Variants in MMP16 observed in about 807,000 individuals in gnomAD.
The protein encoded by MMP16 is matrix metalloproteinase-16.
In MMP16, 12 loss-of-function variants were observed where a neutral mutation model predicts 67.8. The observed-to-expected ratio is 0.18, with a 90% CI of 0.11 to 0.29. The LOEUF is 0.29. MMP16 is among the 10% of genes least tolerant of loss of function. The probability of loss-of-function intolerance (pLI) is 1.00; values close to 1 mark genes in which losing one functional copy is unlikely to be tolerated. For synonymous variants in MMP16, 249 were observed against 255.9 expected (o/e 0.97, Z 0.26); for missense variants, 475 against 765.7 (o/e 0.62, Z 4.48).
intron 1 of MMP16, among the ~76,000 whole-genome samples, chr8:88,211,228 G>A (rs1809507299): frequency 6.6e-6 from 1 of 152,032 alleles, no homozygotes; most frequent in Non-Finnish European, 1.5e-5. Context: ...GTGTACAGGT[G>A]GGCCATTTTG....
In MMP16 at chr8:88,043,635, T is replaced by C. The variant is rs183066937; in HGVS notation, c.1490-1840A>G. On this transcript the variant is annotated intron_variant, in intron 9 of 9. Transcript: ENST00000286614. ...CTCAAGAAATTTCAGATAGGGCAGATGATTACTTCAGGTCACTTCATTCTG... is the reference window on the plus strand; with the variant it reads ...CTCAAGAAATTTCAGATAGGGCAGACGATTACTTCAGGTCACTTCATTCTG... Among the ~76,000 whole-genome samples, 22 of 152,320 alleles carry C rather than the reference T, an allele frequency of 1.4e-4. 1 individual carries two copies. Among genetic ancestry groups the C allele is most frequent in the African/African-American group, 4.3e-4 (18 of 41,576 alleles).
intron 1 of MMP16, among the ~76,000 whole-genome samples, chr8:88,303,205 A>C (rs1811132412): frequency 6.6e-6 from 1 of 152,146 alleles, no homozygotes; most frequent in South Asian, 2.1e-4. Context: ...GAATCCAGGG[A>C]GCCAGGCAGC....
rs188050549 is a variant in MMP16, at chr8:88,039,130, C to T, written c.*2331G>A. The T allele has an allele frequency of 2.0e-5, 3 of 152,410 alleles. No individual in the cohort carries two copies. The highest frequency in any genetic ancestry group is 7.2e-5 in the African/African-American group (3 of 41,408). The allele number at this position is 152,410 out of a possible 1,614,324, so 9.4% of individuals were successfully genotyped here. ...ATCCATTTCCAAATAAGAATGTATA[C>T]CTACACTCATTAAAAATCATCTGGA... On this transcript the variant is annotated 3_prime_UTR_variant, in exon 10 of 10. Coordinates refer to ENST00000286614, the MANE Select transcript of MMP16 (RefSeq NM_005941.5). This position sits in a 1 kb window ranked among gnomAD's most constrained non-coding sequence, Gnocchi z 4.5.
At chr8:88,264,055 T>C (rs199606036) in intron 1 of MMP16, among the ~76,000 whole-genome samples, 1 of 89,526 alleles carries the variant, frequency 1.1e-5, no homozygotes, top group Admixed American at 1.4e-4. Context: ...TATATATATA[T>C]AGGGAGAGAG....
chr8:88,224,012 G>A (rs1176126517), intron 1 of MMP16, among the ~76,000 whole-genome samples: 1 of 151,980 alleles, frequency 6.6e-6, no homozygotes, highest in African/African-American at 2.4e-5. Flanking sequence ...GAAAAGTCAT[G>A]AGAAAAGTTT....
intron 3 of MMP16, 198 bp downstream of exon 3, chr8:88,186,278 A>T (rs1809070862): frequency 2.1e-6 from 1 of 469,586 alleles, no homozygotes; most frequent in African/African-American, 2.0e-5. Flanking sequence ...AAAAGAGCCC[A>T]AGTGTCTCAG....
intron 1 of MMP16, among the ~76,000 whole-genome samples, chr8:88,305,348 A>C (rs1419125505): frequency 1.3e-5 from 2 of 152,216 alleles, no homozygotes; most frequent in Non-Finnish European, 1.5e-5. Context: ...CAATAGTGGG[A>C]GACATTAATA....
At chr8:88,198,375 A>G (rs1809289509) in intron 1 of MMP16, among the ~76,000 whole-genome samples, 1 of 152,118 alleles carries the variant, frequency 6.6e-6, no homozygotes, top group Non-Finnish European at 1.5e-5. Context: ...CCCTGGCATA[A>G]AAATAGAAGC....
Position 88,040,338 on chromosome 8 carries a change from C to G in MMP16, c.*1123G>C, listed in dbSNP as rs1808114716. 6.6e-6 allele frequency: 1 copy of G among 152,538 alleles called. No homozygotes were observed. The highest frequency in any genetic ancestry group is 1.5e-5 in the Non-Finnish European group (1 of 68,024). 9.4% of individuals were successfully genotyped at this position (152,538 alleles called of 1,614,324 possible). ...CATTATAGGATATCTGTTTTAAAAA[C>G]CTGAACTTCTTGAACTTGTGACTGT... is the stretch of plus-strand genomic sequence containing the variant. On this transcript the variant is annotated 3_prime_UTR_variant, in exon 10 of 10. Coordinates refer to ENST00000286614, the MANE Select transcript of MMP16 (RefSeq NM_005941.5).
Position 88,034,616 on chromosome 8 carries a change from A to C in MMP16, c.*6845T>G, listed in dbSNP as rs1210565064. On this transcript the variant is annotated 3_prime_UTR_variant, in exon 10 of 10. Transcript: ENST00000286614. ...TGACGGTATTTCAGTAATAGCAAAA[A>C]TTGTAACATTGATTTAAGGATAACG... The C allele has an allele frequency of 6.6e-6, 1 of 152,224 alleles. No individual in the cohort carries two copies. The highest frequency in any genetic ancestry group is 1.5e-5 in the Non-Finnish European group (1 of 67,970). 9.4% of individuals were successfully genotyped at this position (152,224 alleles called of 1,614,324 possible). A position where few individuals can be genotyped will look rare whatever the true frequency, so the allele number is the denominator to read the frequency against.
Position 88,327,320 on chromosome 8 carries a change from T to C in MMP16, c.-114A>G. On this transcript the variant is annotated 5_prime_UTR_variant, in exon 1 of 10. Coordinates refer to ENST00000286614, the MANE Select transcript of MMP16 (RefSeq NM_005941.5). The stretch of plus-strand genomic sequence containing the variant: ...AAGTCCTCCGGGTGGGTAAGGAGCC[T>C]GCAGGTTCACCCACAGCCGGGCAAG... The C allele has an allele frequency of 2.8e-5, 40 of 1,422,704 alleles. No individual in the cohort carries two copies. The highest frequency in any genetic ancestry group is 3.9e-5 in the Non-Finnish European group (40 of 1,037,372). 88.1% of individuals were successfully genotyped at this position (1,422,704 alleles called of 1,614,324 possible).
chr8:88,238,662 T>TCA (rs1809984650), intron 1 of MMP16, among the ~76,000 whole-genome samples: 1 of 122,994 alleles, frequency 8.1e-6, no homozygotes, highest in Non-Finnish European at 1.7e-5. Context: ...CAAGACTCTG[T>TCA]TAAAAAAAAA....
intron 1 of MMP16, chr8:88,326,775 A>T (rs1231216952): frequency 4.0e-6 from 1 of 252,618 alleles, no homozygotes; most frequent in Non-Finnish European, 7.8e-6. Context: ...TGCCTTATTT[A>T]GCTACACGGT....
intron 1 of MMP16, among the ~76,000 whole-genome samples, chr8:88,251,317 A>C (rs1351071874): frequency 6.6e-6 from 1 of 151,808 alleles, no homozygotes; most frequent in East Asian, 1.9e-4. Flanking sequence ...GGAACAGAAC[A>C]GAGTCCTCAG....
At chr8:88,157,627 G>A (rs1170545455) in intron 4 of MMP16, among the ~76,000 whole-genome samples, 1 of 151,692 alleles carries the variant, frequency 6.6e-6, no homozygotes, top group Admixed American at 6.6e-5. Flanking sequence ...AATAAAATCA[G>A]TTGTGTTAAG....
At chr8:88,045,541 T>C (rs1217827256) in intron 9 of MMP16, among the ~76,000 whole-genome samples, 1 of 152,086 alleles carries the variant, frequency 6.6e-6, no homozygotes, top group Non-Finnish European at 1.5e-5. Flanking sequence ...TTGCTTATTT[T>C]TTTATATTTT....
At chr8:88,239,758 T>C (rs1810005620) in intron 1 of MMP16, among the ~76,000 whole-genome samples, 1 of 152,236 alleles carries the variant, frequency 6.6e-6, no homozygotes, top group East Asian at 1.9e-4. Flanking sequence ...TAATAACTTG[T>C]AGCATTCTGC....
chr8:88,158,512 GGTT>G (rs1264161460), intron 4 of MMP16, among the ~76,000 whole-genome samples: 1 of 152,088 alleles, frequency 6.6e-6, no homozygotes, highest in South Asian at 2.1e-4. Context: ...TTTTTGATGG[GGTT>G]GTTTTTTTCT....
At chr8:88,247,784 A>G (rs1304925047) in intron 1 of MMP16, among the ~76,000 whole-genome samples, 2 of 152,042 alleles carry the variant, frequency 1.3e-5, no homozygotes, top group Non-Finnish European at 2.9e-5. Flanking sequence ...TAATCATTTC[A>G]TCTTCATTCC....
Sources: allele counts gnomAD v4.1 joint callset (sites outside exome capture counted in the v4.1 genomes callset), GRCh38; gene constraint gnomAD v4.1.1; non-coding constraint Gnocchi (gnomAD v3.1); transcripts MANE v1.5; gene names NCBI Gene and HGNC (gene_info 2026-07-23, HGNC 2026-07-21).